The following SASH1 variants were observed in gnomAD, a reference collection of about 807,000 sequenced individuals.
SASH1 encodes SAM and SH3 domain containing 1.
SASH1 carries 44 observed loss-of-function variants against 125.2 expected under a neutral mutation model. The ratio of observed to expected loss-of-function variants is 0.35; its 90% CI spans 0.28 to 0.45. The LOEUF (loss-of-function observed/expected upper bound fraction) is 0.45, where lower values mean the gene tolerates loss of function less well. SASH1 is among the 20% of genes least tolerant of loss of function. The pLI, the probability that SASH1 is intolerant of heterozygous loss-of-function variation, is 1.00. For missense variants in SASH1, 1,426 were observed against 1,614.5 expected (o/e 0.88, Z 2.00); for synonymous variants, 639 against 649.1 (o/e 0.98, Z 0.24).
chr6:148,235,262 CT>C, the SASH1 span, among the ~76,000 whole-genome samples: 3 of 152,284 alleles, frequency 2.0e-5, no homozygotes, highest in African/African-American at 7.2e-5. Flanking sequence ...CCCCTGATTG[CT>C]GACCTTATCT....
chr6:148,250,678 A>G, the SASH1 span, among the ~76,000 whole-genome samples: 1 of 152,112 alleles, frequency 6.6e-6, no homozygotes, highest in African/African-American at 2.4e-5. Flanking sequence ...TTACTTTGAC[A>G]TGCATTATTT....
At chr6:148,470,180 T>C (rs1442682648) in intron 5 of SASH1, among the ~76,000 whole-genome samples, 1 of 152,178 alleles carries the variant, frequency 6.6e-6, no homozygotes, top group Non-Finnish European at 1.5e-5. Flanking sequence ...CCAAAGGCAG[T>C]GGGTGATACA....
At chr6:148,356,070 G>GTTTTT (rs200129121) in intron 1 of SASH1, among the ~76,000 whole-genome samples, 28 of 139,766 alleles carry the variant, frequency 2.0e-4, no homozygotes, top group Admixed American at 2.2e-4. Flanking sequence ...GTATCATTCT[G>GTTTTT]TTTTTTTTTT....
chr6:148,252,760 T>C, the SASH1 span, among the ~76,000 whole-genome samples: 1 of 152,206 alleles, frequency 6.6e-6, no homozygotes, highest in African/African-American at 2.4e-5. Flanking sequence ...ATTACAGCCA[T>C]GAGCCACCAT....
chr6:148,425,144 G>A (rs1181282390), intron 2 of SASH1, among the ~76,000 whole-genome samples: 3 of 152,180 alleles, frequency 2.0e-5, no homozygotes, highest in Non-Finnish European at 4.4e-5. Flanking sequence ...AGTCCAAGGT[G>A]CAGTGGTCAG....
chr6:148,225,929 G>A, the SASH1 span, among the ~76,000 whole-genome samples: 14,571 of 152,220 alleles, frequency 0.096, 906 homozygotes, highest in South Asian at 0.16. Context: ...AGAGAAAGCT[G>A]TTTTCTAACA....
chr6:148,322,656 C>T (rs572905779), intron 1 of SASH1, among the ~76,000 whole-genome samples: 2 of 152,260 alleles, frequency 1.3e-5, no homozygotes, highest in East Asian at 1.9e-4. Flanking sequence ...TTGGACACTG[C>T]GGATCCCTTA....
At chr6:148,401,633 A>G (rs1784171674) in intron 2 of SASH1, among the ~76,000 whole-genome samples, 1 of 152,208 alleles carries the variant, frequency 6.6e-6, no homozygotes, top group South Asian at 2.1e-4. Context: ...TATTTAGAAT[A>G]TGAAGACGTT....
intron 1 of SASH1, chr6:148,272,412 GT>G: frequency 4.3e-6 from 2 of 469,742 alleles, no homozygotes; most frequent in African/African-American, 2.0e-5. Flanking sequence ...TTTTAAGACT[GT>G]TTTTGGTGCC....
At chr6:148,202,554 A>G in the SASH1 span, among the ~76,000 whole-genome samples, 1 of 152,256 alleles carries the variant, frequency 6.6e-6, no homozygotes, top group Non-Finnish European at 1.5e-5. Flanking sequence ...AAGGCTTAGC[A>G]GGAAGAGAGA....
chr6:148,401,701 A>G (rs1241550302), intron 2 of SASH1, among the ~76,000 whole-genome samples: 5 of 152,236 alleles, frequency 3.3e-5, no homozygotes, highest in African/African-American at 1.2e-4. Context: ...AAGCTGATGA[A>G]ACTTAATCAA....
At chr6:148,378,270 T>C (rs1782990096) in intron 1 of SASH1, among the ~76,000 whole-genome samples, 1 of 151,912 alleles carries the variant, frequency 6.6e-6, no homozygotes, top group East Asian at 1.9e-4. Context: ...GCCAGGCTAG[T>C]CTCAAACTCC....
At chr6:148,358,779 A>C (rs1025025327) in intron 1 of SASH1, among the ~76,000 whole-genome samples, 4 of 128,810 alleles carry the variant, frequency 3.1e-5, no homozygotes, top group African/African-American at 1.1e-4. Flanking sequence ...TTCATCACCG[A>C]GGCTGGAGTG....
chr6:148,350,002 C>T (rs1384677770), intron 1 of SASH1, among the ~76,000 whole-genome samples: 2 of 152,126 alleles, frequency 1.3e-5, no homozygotes, highest in African/African-American at 2.4e-5. Context: ...CCTGCCACCA[C>T]GCCCGGCTAA....
At chr6:148,398,050 C>G (rs1022320308) in intron 2 of SASH1, among the ~76,000 whole-genome samples, 1 of 151,920 alleles carries the variant, frequency 6.6e-6, no homozygotes, top group Non-Finnish European at 1.5e-5. Context: ...AGGTGTGGAC[C>G]GTGGGGAGTA....
chr6:148,423,400 A>G (rs900105610), intron 2 of SASH1, among the ~76,000 whole-genome samples: 5 of 152,244 alleles, frequency 3.3e-5, no homozygotes, highest in African/African-American at 1.2e-4. Flanking sequence ...ATGGTTAGAA[A>G]ATATGGTTCA....
At chr6:148,346,765 G>A (rs10457069) in intron 1 of SASH1, among the ~76,000 whole-genome samples, 32,516 of 152,186 alleles carry the variant, frequency 0.21, 3,784 homozygotes, top group South Asian at 0.36. Flanking sequence ...CAGTTTCATC[G>A]TGCAAATTAA....
chr6:148,537,672 C>A (rs2115427726), intron 16 of SASH1, among the ~76,000 whole-genome samples: 1 of 152,244 alleles, frequency 6.6e-6, no homozygotes, highest in Non-Finnish European at 1.5e-5. Flanking sequence ...GAATCCCATT[C>A]CCTTCTCTTC....
intron 1 of SASH1, among the ~76,000 whole-genome samples, chr6:148,347,938 A>G (rs1465507340): frequency 6.6e-6 from 1 of 152,210 alleles, no homozygotes; most frequent in East Asian, 1.9e-4. Context: ...GGCAGAACTC[A>G]GGCGTCTGGA....
Sources: gnomAD v4.1 joint callset for allele counts (sites outside exome capture counted in the v4.1 genomes callset) on GRCh38, gnomAD v4.1.1 for gene constraint, MANE v1.5 for transcripts, NCBI Gene and HGNC (gene_info 2026-07-23, HGNC 2026-07-21) for gene names.